The following RAB15 variants were observed in gnomAD, a reference collection of about 807,000 sequenced individuals.
The protein encoded by RAB15 is RAB15, member RAS oncogene family.
RAB15 carries 13 observed loss-of-function variants against 31.8 expected under a neutral mutation model. The ratio of observed to expected loss-of-function variants is 0.41; its 90% CI spans 0.27 to 0.65. The LOEUF (loss-of-function observed/expected upper bound fraction) is 0.65, where lower values mean the gene tolerates loss of function less well. Ranked by LOEUF, RAB15 falls within the 30% of genes least tolerant of loss-of-function variation. The pLI is 0.32. For synonymous variants in RAB15, 100 were observed against 105.6 expected (o/e 0.95, Z 0.33); for missense variants, 220 against 277.3 (o/e 0.79, Z 1.47).
At position 64,954,193 on chromosome 14, in the gene RAB15, G is replaced by A; in HGVS notation, c.125-1622C>T. ...CATTGAGCTGTACTTTTCCAAATGG[G>A]CAATGCCTGGCAGCCATTCTTCCAT... is the stretch of plus-strand genomic sequence containing the variant. On this transcript the variant is annotated intron_variant, in intron 1 of 6. Coordinates refer to ENST00000533601, the MANE Select transcript of RAB15 (RefSeq NM_001308154.2). This position sits in a 1 kb window ranked among gnomAD's most constrained non-coding sequence, Gnocchi z 4.3. The A allele has an allele frequency of 1.0e-6, 1 of 985,378 alleles. No individual in the cohort carries two copies. Among genetic ancestry groups the A allele is most frequent in the Non-Finnish European group, 1.2e-6 (1 of 829,922 alleles). 61.0% of individuals were successfully genotyped at this position (985,378 alleles called of 1,614,324 possible). A position where few individuals can be genotyped will look rare whatever the true frequency, so the allele number is the denominator to read the frequency against.
In RAB15 at chr14:64,952,686, T is replaced by C. The variant is rs1886327117; in HGVS notation, c.125-115A>G. The C allele has an allele frequency of 2.8e-6, 2 of 711,854 alleles. No homozygotes were observed. The highest frequency in any genetic ancestry group is 4.8e-6 in the Non-Finnish European group (2 of 420,698). 44.1% of individuals were successfully genotyped at this position (711,854 alleles called of 1,614,324 possible). A position where few individuals can be genotyped will look rare whatever the true frequency, so the allele number is the denominator to read the frequency against. The stretch of plus-strand genomic sequence containing the variant: ...CTTTCAGTTTAATTTGGCAAAGGGA[T>C]GAAGTAATGTAAAGGCCTTCTTTAA... On this transcript the variant is annotated intron_variant, in intron 1 of 6. Coordinates refer to ENST00000533601, the MANE Select transcript of RAB15 (RefSeq NM_001308154.2). The surrounding 1 kb of genome is among the most constrained non-coding windows in gnomAD (Gnocchi z 4.2).
At chr14:64,957,252 A>T (rs964405102) in intron 1 of RAB15, among the ~76,000 whole-genome samples, 1 of 152,116 alleles carries the variant, frequency 6.6e-6, no homozygotes, top group African/African-American at 2.4e-5. Flanking sequence ...TCTTAAGTGT[A>T]GAAGGAGAAT....
Position 64,972,088 on chromosome 14 carries a change from G to A in RAB15, c.-12C>T. ...TACTGCTTCGCCATGACTGGGGCCA[G>A]CGGGGCCGGGAACTGCGGGCGGGCA... On this transcript the variant is annotated 5_prime_UTR_variant, in exon 1 of 7. Coordinates refer to ENST00000533601, the MANE Select transcript of RAB15 (RefSeq NM_001308154.2). The surrounding 1 kb of genome is among the most constrained non-coding windows in gnomAD (Gnocchi z 6.3). 2.5e-6 allele frequency: 4 copies of A among 1,592,830 alleles called. No homozygotes were observed. Among genetic ancestry groups the A allele is most frequent in the South Asian group, 1.1e-5 (1 of 89,200 alleles).
Position 64,954,249 on chromosome 14 carries a change from G to A in RAB15, c.125-1678C>T, listed in dbSNP as rs562900780. On this transcript the variant is annotated intron_variant, in intron 1 of 6. Transcript: ENST00000533601. The surrounding 1 kb of genome is among the most constrained non-coding windows in gnomAD (Gnocchi z 4.3). The stretch of plus-strand genomic sequence containing the variant: ...CAGAGAAAGAGTGAAGAGAAGGAGG[G>A]AGGAAGGGAGGAAGGAGAGAAGCAT... The A allele has an allele frequency of 1.0e-5, 10 of 985,106 alleles. No individual in the cohort carries two copies. The East Asian group carries it at 1.0e-3, about 101-fold the overall frequency. The allele number at this position is 985,106 out of a possible 1,614,324, so 61.0% of individuals were successfully genotyped here.
Position 64,951,167 on chromosome 14 carries a change from A to C in RAB15, c.247-16T>G. 6.3e-7 allele frequency: 1 copy of C among 1,598,184 alleles called. No homozygotes were observed. Among genetic ancestry groups the C allele is most frequent in the Non-Finnish European group, 8.6e-7 (1 of 1,168,050 alleles). On this transcript the variant is annotated splice_polypyrimidine_tract_variant and intron_variant, in intron 3 of 6. Transcript: ENST00000533601. The surrounding 1 kb of genome is among the most constrained non-coding windows in gnomAD (Gnocchi z 7.2). ...AAAATATCCCCTGAGAGAGAGAGAA[A>C]TAGAGAGATGTGATATGCACAGAGA...
rs867337436 is a variant in RAB15 at position 64,970,977 on chromosome 14, G to T, written c.124+976C>A. 2.9e-4 allele frequency among the ~76,000 whole-genome samples: 44 copies of T among 152,290 alleles called. No homozygotes were observed. The Middle Eastern group carries it at 0.01, about 35-fold the overall frequency. ...CCCTGATGGCAGCAGGGACTTCTAG[G>T]AGAGCATTCCAAATGGATGACCAGC... On this transcript the variant is annotated intron_variant, in intron 1 of 6. Coordinates refer to ENST00000533601, the MANE Select transcript of RAB15 (RefSeq NM_001308154.2). The surrounding 1 kb of genome is among the most constrained non-coding windows in gnomAD (Gnocchi z 4.1).
rs1885933438 is a variant in RAB15, at chr14:64,946,610, G to A, written c.*1744C>T. On this transcript the variant is annotated 3_prime_UTR_variant, in exon 7 of 7. Coordinates refer to ENST00000533601, the MANE Select transcript of RAB15 (RefSeq NM_001308154.2). ...CCTCTCCTGCTGTTTTCCTGGTTTGGTAAGTCAGGAGGAAAGGTTTGATGG... is the reference window on the plus strand; with the variant it reads ...CCTCTCCTGCTGTTTTCCTGGTTTGATAAGTCAGGAGGAAAGGTTTGATGG... 6.6e-6 allele frequency: 1 copy of A among 152,234 alleles called. No homozygotes were observed. Among genetic ancestry groups the A allele is most frequent in the Admixed American group, 6.5e-5 (1 of 15,282 alleles). 9.4% of individuals were successfully genotyped at this position (152,234 alleles called of 1,614,324 possible). A position where few individuals can be genotyped will look rare whatever the true frequency, so the allele number is the denominator to read the frequency against.
chr14:64,969,499 A>C (rs979773350), intron 1 of RAB15, among the ~76,000 whole-genome samples: 1 of 152,220 alleles, frequency 6.6e-6, no homozygotes, highest in Non-Finnish European at 1.5e-5. Flanking sequence ...AGTGGGGCAG[A>C]TTTTAAAAGG....
At chr14:64,969,268 A>G (rs1887302540) in intron 1 of RAB15, among the ~76,000 whole-genome samples, 1 of 152,184 alleles carries the variant, frequency 6.6e-6, no homozygotes, top group South Asian at 2.1e-4. Flanking sequence ...TAAGCGAATG[A>G]CTATGACTTG....
At chr14:64,957,541 G>A (rs1172636260) in intron 1 of RAB15, among the ~76,000 whole-genome samples, 1 of 152,154 alleles carries the variant, frequency 6.6e-6, no homozygotes, top group Non-Finnish European at 1.5e-5. Context: ...TCACTCTTCT[G>A]CACAAGAAAG....
rs1887464536 is a variant in RAB15 at position 64,972,145 on chromosome 14, GCGGCCCGCGCCCGCCC to G, written c.-85_-70del. ...TCAGCCCTGCTCCGCCGCTGCCATC[GCGGCCCGCGCCCGCCC>G]GGGGACGCTGCGGGCGGCGAGGAGG... On this transcript the variant is annotated 5_prime_UTR_variant, in exon 1 of 7. Coordinates refer to ENST00000533601, the MANE Select transcript of RAB15 (RefSeq NM_001308154.2). The surrounding 1 kb of genome is among the most constrained non-coding windows in gnomAD (Gnocchi z 6.3). 3 of 1,228,304 alleles carry G rather than the reference GCGGCCCGCGCCCGCCC, an allele frequency of 2.4e-6. No individual in the cohort carries two copies. The South Asian group carries it at 1.1e-4, about 44-fold the overall frequency. The allele number at this position is 1,228,304 out of a possible 1,614,324, so 76.1% of individuals were successfully genotyped here.
Position 64,950,411 on chromosome 14 carries a change from C to T in RAB15, c.328G>A (p.Ala110Thr), listed in dbSNP as rs761375914. The change falls in exon 5 of 7, where the codon GCA becomes ACA. Residue 110 changes from alanine (A) to threonine (T), a missense_variant. By Grantham distance (58) the Ala-to-Thr change is moderately conservative. Coordinates refer to ENST00000533601, the MANE Select transcript of RAB15 (RefSeq NM_001308154.2). The surrounding 1 kb of genome is among the most constrained non-coding windows in gnomAD (Gnocchi z 5.6). ...MKWVSDVDEY[A>T]PEGVQKILIG... ...AGGATCTTCTGGACGCCTTCTGGTG[C>T]GTACTAGGGACAAAGGATGGGCAGA... is the stretch of plus-strand genomic sequence containing the variant. 6.2e-6 allele frequency: 10 copies of T among 1,613,490 alleles called. No individual in the cohort carries two copies. Among genetic ancestry groups the T allele is most frequent in the Non-Finnish European group, 6.8e-6 (8 of 1,179,474 alleles).
rs1245727835 is a variant in RAB15, at chr14:64,953,229, C to T, written c.125-658G>A. On this transcript the variant is annotated intron_variant, in intron 1 of 6. Transcript: ENST00000533601. The surrounding 1 kb of genome is among the most constrained non-coding windows in gnomAD (Gnocchi z 4.6). ...GTGTCAGGCCTGAGCTTATCTCCTC[C>T]CTCTGGCCACTCATAGCTCATTGCT... is the stretch of plus-strand genomic sequence containing the variant. 1.3e-5 allele frequency among the ~76,000 whole-genome samples: 2 copies of T among 152,228 alleles called. No homozygotes were observed. Among genetic ancestry groups the T allele is most frequent in the Non-Finnish European group, 2.9e-5 (2 of 68,038 alleles).
At chr14:64,956,935 A>ATTTT (rs573399507) in intron 1 of RAB15, among the ~76,000 whole-genome samples, 7 of 143,486 alleles carry the variant, frequency 4.9e-5, no homozygotes, top group African/African-American at 1.8e-4. Context: ...CCTAGCTTCA[A>ATTTT]TTTTTTTTTT....
chr14:64,949,763 C>G (rs932374238), intron 5 of RAB15, among the ~76,000 whole-genome samples: 4 of 151,118 alleles, frequency 2.6e-5, no homozygotes, highest in African/African-American at 9.7e-5. Context: ...AAAAAATAAC[C>G]AATATTTCTT....
intron 1 of RAB15, among the ~76,000 whole-genome samples, chr14:64,956,410 C>CA (rs551478593): frequency 0.013 from 969 of 72,658 alleles, 5 homozygotes; most frequent in African/African-American, 0.026. Context: ...GACTTCATCT[C>CA]AAAAAAAAAA....
At position 64,950,873 on chromosome 14, in the gene RAB15, C is replaced by T. The variant is rs1032140036; in HGVS notation, c.324+201G>A. The stretch of plus-strand genomic sequence containing the variant: ...AATTCATTTCCGGGAAAGACACAGC[C>T]GTGGAGGCCTGGCAGGGTATAGAGA... On this transcript the variant is annotated intron_variant, in intron 4 of 6. Transcript: ENST00000533601. This position sits in a 1 kb window ranked among gnomAD's most constrained non-coding sequence, Gnocchi z 5.6. 46 of 1,006,590 alleles carry T rather than the reference C, an allele frequency of 4.6e-5. No homozygotes were observed. Among genetic ancestry groups the T allele is most frequent in the Middle Eastern group, 2.4e-4 (1 of 4,214 alleles). 62.4% of individuals were successfully genotyped at this position (1,006,590 alleles called of 1,614,324 possible).
chr14:64,971,716 C>G lies in RAB15; in HGVS notation c.124+237G>C. Reference sequence around the variant, plus strand: ...CCCCCGGTTTCTCGGTTTGATGGGACGGAAGGCTTCCCGGCAAGAGGCGGG... The same window carrying G: ...CCCCCGGTTTCTCGGTTTGATGGGAGGGAAGGCTTCCCGGCAAGAGGCGGG... On this transcript the variant is annotated intron_variant, in intron 1 of 6. Transcript: ENST00000533601. This position sits in a 1 kb window ranked among gnomAD's most constrained non-coding sequence, Gnocchi z 4.1. 1.8e-6 allele frequency: 1 copy of G among 552,754 alleles called. No individual in the cohort carries two copies. Among genetic ancestry groups the G allele is most frequent in the Non-Finnish European group, 3.2e-6 (1 of 308,542 alleles). 34.2% of individuals were successfully genotyped at this position (552,754 alleles called of 1,614,324 possible). A position where few individuals can be genotyped will look rare whatever the true frequency, so the allele number is the denominator to read the frequency against.
rs1160978680 is a variant in RAB15, at chr14:64,962,140, G to A, written c.125-9569C>T. 6.6e-6 allele frequency among the ~76,000 whole-genome samples: 1 copy of A among 151,884 alleles called. No homozygotes were observed. The highest frequency in any genetic ancestry group is 1.5e-5 in the Non-Finnish European group (1 of 67,978). On this transcript the variant is annotated intron_variant, in intron 1 of 6. Transcript: ENST00000533601. This position sits in a 1 kb window ranked among gnomAD's most constrained non-coding sequence, Gnocchi z 4.2. ...TGAGGCATGAGAATCGCTTGAACCT[G>A]GGAGGCGGAAGTTGCAGTGAGCCAA...
Sources: allele counts gnomAD v4.1 joint callset (sites outside exome capture counted in the v4.1 genomes callset), GRCh38; gene constraint gnomAD v4.1.1; non-coding constraint Gnocchi (gnomAD v3.1); transcripts MANE v1.5; gene names NCBI Gene and HGNC (gene_info 2026-07-23, HGNC 2026-07-21).